Variants in RC3H1 observed in about 807,000 individuals in gnomAD.
RC3H1 encodes the protein ring finger and CCCH-type domains 1.
Under a neutral mutation model 138.2 loss-of-function variants are expected in RC3H1, and 50 were observed. That is an observed-to-expected ratio of 0.36 (90% CI 0.29 to 0.46). The LOEUF (loss-of-function observed/expected upper bound fraction) is 0.46, where lower values mean the gene tolerates loss of function less well. RC3H1 is among the 20% of genes least tolerant of loss of function. The pLI, the probability that RC3H1 is intolerant of heterozygous loss-of-function variation, is 1.00. For synonymous variants in RC3H1, 462 were observed against 489.1 expected, an observed-to-expected ratio of 0.94 and a Z score of 0.73; for missense variants, 1,031 against 1,388.1, an observed-to-expected ratio of 0.74 and a Z score of 4.09.
rs1043722607 is a variant in RC3H1, at chr1:173,932,086, A to C, written c.*6635T>G. The C allele has an allele frequency of 6.6e-6, 1 of 152,176 alleles. No homozygotes were observed. The highest frequency in any genetic ancestry group is 6.5e-5 in the Admixed American group (1 of 15,270). 9.4% of individuals were successfully genotyped at this position (152,176 alleles called of 1,614,324 possible). A position where few individuals can be genotyped will look rare whatever the true frequency, so the allele number is the denominator to read the frequency against. On this transcript the variant is annotated 3_prime_UTR_variant, in exon 20 of 20. Coordinates refer to ENST00000367696, the MANE Select transcript of RC3H1 (RefSeq NM_172071.4). ...GTGATTTCACTTACAACCTGACTCA[A>C]ATCTCATGGGCTCCTTTATTAACCA...
intron 1 of RC3H1, among the ~76,000 whole-genome samples, chr1:174,015,466 A>C (rs1379887867): frequency 6.6e-6 from 1 of 151,784 alleles, no homozygotes; most frequent in Non-Finnish European, 1.5e-5. Context: ...CCTGGGTTCA[A>C]GCAATTCTCT....
At chr1:173,959,843 T>C (rs1220038777) in intron 13 of RC3H1, among the ~76,000 whole-genome samples, 1 of 152,042 alleles carries the variant, frequency 6.6e-6, no homozygotes, top group East Asian at 1.9e-4. Context: ...TGGTGTCTCA[T>C]GCCTGTAATC....
chr1:174,016,223 T>G (rs1557954583), intron 1 of RC3H1: 1 of 152,112 alleles, frequency 6.6e-6, no homozygotes, highest in Non-Finnish European at 1.5e-5. Flanking sequence ...ATTTTTATAA[T>G]TTAAATGTAT....
At chr1:174,000,035 C>T (rs925188746) in intron 1 of RC3H1, among the ~76,000 whole-genome samples, 2 of 151,988 alleles carry the variant, frequency 1.3e-5, no homozygotes, top group East Asian at 3.9e-4. Context: ...GACAGAAATG[C>T]CTTAAAATTG....
intron 9 of RC3H1, among the ~76,000 whole-genome samples, chr1:173,966,298 A>C (rs540866371): frequency 1.3e-5 from 2 of 152,354 alleles, no homozygotes; most frequent in South Asian, 4.1e-4. Context: ...GCTGTGGTAC[A>C]ACAAGCACAT....
rs1252940178 is a variant in RC3H1, at chr1:173,934,047, C to T, written c.*4674G>A. 6.6e-6 allele frequency: 1 copy of T among 152,072 alleles called. No individual in the cohort carries two copies. The highest frequency in any genetic ancestry group is 1.9e-4 in the East Asian group (1 of 5,198). The allele number at this position is 152,072 out of a possible 1,614,324, so 9.4% of individuals were successfully genotyped here. A position where few individuals can be genotyped will look rare whatever the true frequency, so the allele number is the denominator to read the frequency against. ...CCATTCCTTTCAATGACATATAAATCGTTACAGGTGCTTTTTACAGATAGA... is the reference window on the plus strand; with the variant it reads ...CCATTCCTTTCAATGACATATAAATTGTTACAGGTGCTTTTTACAGATAGA... On this transcript the variant is annotated 3_prime_UTR_variant, in exon 20 of 20. Transcript: ENST00000367696.
intron 13 of RC3H1, among the ~76,000 whole-genome samples, chr1:173,957,750 T>TG (rs1378037748): frequency 6.6e-6 from 1 of 151,902 alleles, no homozygotes; most frequent in Admixed American, 6.6e-5. Context: ...TCTGTAGGGA[T>TG]GGGGTCTCAC....
chr1:173,969,710 AAAAAT>A (rs1197700698), intron 9 of RC3H1, among the ~76,000 whole-genome samples: 2 of 151,570 alleles, frequency 1.3e-5, no homozygotes, highest in South Asian at 4.1e-4. Context: ...TCTATTTTTA[AAAAAT>A]AAAATAAAAT....
chr1:173,956,667 T>TAAAAAAAAAA (rs75866304), intron 13 of RC3H1, among the ~76,000 whole-genome samples: 9 of 84,854 alleles, frequency 1.1e-4, no homozygotes, highest in Admixed American at 1.3e-4. Flanking sequence ...CTCAAAAAAT[T>TAAAAAAAAAA]AAAAAAAAAA....
rs1227767666 is a variant in RC3H1, at chr1:173,931,296, C to T, written c.*7425G>A. ...TAGACATTTTCATATATTTACAATC[C>T]AAAAGGTGAATCACCTCCTTCTACT... On this transcript the variant is annotated 3_prime_UTR_variant, in exon 20 of 20. Transcript: ENST00000367696. 6.6e-6 allele frequency: 1 copy of T among 152,112 alleles called. No homozygotes were observed. The highest frequency in any genetic ancestry group is 1.5e-5 in the Non-Finnish European group (1 of 68,008). 9.4% of individuals were successfully genotyped at this position (152,112 alleles called of 1,614,324 possible).
In RC3H1 at chr1:173,932,783, ATGG is replaced by A. The variant is rs1658434822; in HGVS notation, c.*5935_*5937del. 1 of 152,062 alleles carries A rather than the reference ATGG, an allele frequency of 6.6e-6. No homozygotes were observed. 9.4% of individuals were successfully genotyped at this position (152,062 alleles called of 1,614,324 possible). ...CAATGGAGAAAGATTACACAAATAA[ATGG>A]TGATTAAAAAAAGGCAAATAATAAT... is the stretch of plus-strand genomic sequence containing the variant. On this transcript the variant is annotated 3_prime_UTR_variant, in exon 20 of 20. Coordinates refer to ENST00000367696, the MANE Select transcript of RC3H1 (RefSeq NM_172071.4).
At chr1:173,964,812 G>A in intron 10 of RC3H1, 27 bp downstream of exon 10, 2 of 1,563,908 alleles carry the variant, frequency 1.3e-6, no homozygotes, top group Non-Finnish European at 1.7e-6. Context: ...AAGAAATTTT[G>A]AAATAAGAGT....
intron 1 of RC3H1, among the ~76,000 whole-genome samples, chr1:173,996,286 T>A (rs369223207): frequency 3.5e-5 from 5 of 144,316 alleles, no homozygotes; most frequent in African/African-American, 1.3e-4. Context: ...ATACATTAAG[T>A]AAAAAAAAAA....
intron 1 of RC3H1, among the ~76,000 whole-genome samples, chr1:173,997,858 C>CA (rs2103058470): frequency 6.6e-6 from 1 of 152,198 alleles, no homozygotes; most frequent in Non-Finnish European, 1.5e-5. Context: ...TTTTGAGACT[C>CA]AAAGTGTCAG....
chr1:173,945,784 T>C (rs908710595), intron 17 of RC3H1, among the ~76,000 whole-genome samples: 1 of 151,916 alleles, frequency 6.6e-6, no homozygotes, highest in Non-Finnish European at 1.5e-5. Context: ...CTTGGCTCAC[T>C]GCAACCTCTG....
At chr1:173,945,122 T>C (rs1047579895) in intron 17 of RC3H1, among the ~76,000 whole-genome samples, 1 of 143,024 alleles carries the variant, frequency 7.0e-6, no homozygotes, top group Non-Finnish European at 1.5e-5. Context: ...ATTTTAAAAA[T>C]TCCTTTTTTT....
intron 8 of RC3H1, among the ~76,000 whole-genome samples, chr1:173,971,502 CTT>C (rs1181021336): frequency 2.0e-5 from 3 of 152,042 alleles, no homozygotes; most frequent in Admixed American, 2.0e-4. Flanking sequence ...ACAAATGACA[CTT>C]ATTATTTATA....
At chr1:174,008,864 C>T (rs1571241885) in intron 1 of RC3H1, among the ~76,000 whole-genome samples, 1 of 151,174 alleles carries the variant, frequency 6.6e-6, no homozygotes, top group Admixed American at 6.6e-5. Context: ...GTAATCCCAG[C>T]TACTTGGGAG....
At chr1:173,960,834 T>G (rs940361013) in intron 13 of RC3H1, among the ~76,000 whole-genome samples, 14 of 152,142 alleles carry the variant, frequency 9.2e-5, no homozygotes, top group African/African-American at 3.4e-4. Context: ...AGCATGCTGA[T>G]TTCATTAAAT....
Sources: gnomAD v4.1 joint callset for allele counts (sites outside exome capture counted in the v4.1 genomes callset) on GRCh38, gnomAD v4.1.1 for gene constraint, MANE v1.5 for transcripts, NCBI Gene and HGNC (gene_info 2026-07-23, HGNC 2026-07-21) for gene names.